The following ZNF534 variants were observed in gnomAD, a reference collection of about 807,000 sequenced individuals.
The protein encoded by ZNF534 is zinc finger protein 534.
In ZNF534, 19 loss-of-function variants were observed where a neutral mutation model predicts 13.6. The ratio of observed to expected loss-of-function variants is 1.40; its 90% CI spans 0.97 to 2.05. The LOEUF (loss-of-function observed/expected upper bound fraction) is 2.05. Ranked by LOEUF, ZNF534 falls within the 30% of genes most tolerant of loss-of-function variation. ZNF534 has a pLI of 0.00. For synonymous variants in ZNF534, 244 were observed against 273.8 expected (o/e 0.89, Z 1.07); for missense variants, 782 against 796.3 (o/e 0.98, Z 0.22).
rs1399733879 is a variant in ZNF534 at position 52,440,602 on chromosome 19, G to A, written c.*1156G>A. Among the ~76,000 whole-genome samples the A allele has an allele frequency of 6.6e-6, 1 of 151,962 alleles. No individual in the cohort carries two copies. The highest frequency in any genetic ancestry group is 1.5e-5 in the Non-Finnish European group (1 of 67,992). On this transcript the variant is annotated 3_prime_UTR_variant, in exon 5 of 5. Transcript: ENST00000433050. ...TTGAGACCAGCCTGACCAATGTGTT[G>A]AAACCCCATCACTACTAAAAATAAA...
Position 52,441,345 on chromosome 19 carries a change from A to G in ZNF534, c.*1899A>G, listed in dbSNP as rs1429829110. The stretch of plus-strand genomic sequence containing the variant: ...ACCTGGGTAACATAAGGACAACTCC[A>G]TCTCTACAAATAATAAAAAATTAGC... On this transcript the variant is annotated 3_prime_UTR_variant, in exon 5 of 5. Transcript: ENST00000433050. Among the ~76,000 whole-genome samples, 2 of 152,190 alleles carry G rather than the reference A, an allele frequency of 1.3e-5. No individual in the cohort carries two copies. The highest frequency in any genetic ancestry group is 6.5e-5 in the Admixed American group (1 of 15,284).
chr19:52,437,266 T>G (rs2608495), intron 4 of ZNF534, among the ~76,000 whole-genome samples: 142,623 of 152,216 alleles, frequency 0.94, 67,066 homozygotes, highest in Non-Finnish European at 0.97. Flanking sequence ...GATTCCAGAT[T>G]CTTCAGTAAA....
chr19:52,435,293 C>T lies in ZNF534; in HGVS notation c.271+84C>T, dbSNP rs2059121854. On this transcript the variant is annotated intron_variant, in intron 4 of 4. Transcript: ENST00000433050. Reference sequence around the variant, plus strand: ...TCACTCTGTCATCCAGGCTGGAGTACAGTGGCAATCATAGCTCACAGCAGC... The same window carrying T: ...TCACTCTGTCATCCAGGCTGGAGTATAGTGGCAATCATAGCTCACAGCAGC... The T allele has an allele frequency of 6.3e-6, 9 of 1,422,414 alleles. 1 individual carries two copies. In the African/African-American group the frequency reaches 1.1e-4, roughly 18 times the overall value. 88.1% of individuals were successfully genotyped at this position (1,422,414 alleles called of 1,614,324 possible).
intron 4 of ZNF534, among the ~76,000 whole-genome samples, chr19:52,436,321 T>C (rs887646636): frequency 3.3e-5 from 5 of 152,206 alleles, no homozygotes; most frequent in South Asian, 2.1e-4. Context: ...CATAGACTTA[T>C]ACAGTTTCCT....
chr19:52,449,565 C>T (rs1366095358), intron 4 of ZNF534, among the ~76,000 whole-genome samples: 7 of 152,104 alleles, frequency 4.6e-5, no homozygotes, highest in Admixed American at 4.6e-4. Flanking sequence ...TTGATGATAG[C>T]CATTCTAACT....
chr19:52,431,182 G>A (rs561112680), intron 1 of ZNF534, among the ~76,000 whole-genome samples: 74 of 152,292 alleles, frequency 4.9e-4, no homozygotes, highest in Non-Finnish European at 8.8e-4. Context: ...GCTTAGTCAA[G>A]CCCAGCTCTG....
intron 4 of ZNF534, among the ~76,000 whole-genome samples, chr19:52,448,808 A>T (rs1243154680): frequency 6.6e-6 from 1 of 152,234 alleles, no homozygotes; most frequent in African/African-American, 2.4e-5. Context: ...ATAGATAATG[A>T]TCAAATCAGG....
Position 52,435,933 on chromosome 19 carries a change from C to CTTTTTTTTTTTT in ZNF534, c.271+726_271+727insTTTTTTTTTTTT, listed in dbSNP as rs1289517628. 6.3e-4 allele frequency among the ~76,000 whole-genome samples: 11 copies of CTTTTTTTTTTTT among 17,522 alleles called. 4 individuals are homozygous for CTTTTTTTTTTTT. Among genetic ancestry groups the CTTTTTTTTTTTT allele is most frequent in the Non-Finnish European group, 3.3e-3 (5 of 1,498 alleles). 11.5% of individuals were successfully genotyped at this position (17,522 alleles called of 152,430 possible). Reference sequence around the variant, plus strand: ...CATTGATGTTTTTCTTATTTTTCTTCTTCTTCTTTTTTTTTTTTTTTTTGA... The same window carrying CTTTTTTTTTTTT: ...CATTGATGTTTTTCTTATTTTTCTTCTTTTTTTTTTTTTTCTTCTTTTTTTTTTTTTTTTTGA... On this transcript the variant is annotated intron_variant, in intron 4 of 4. Coordinates refer to ENST00000433050, the MANE Select transcript of ZNF534 (RefSeq NM_001143938.3).
chr19:52,433,864 G>A (rs1312019247), intron 2 of ZNF534, 91 bp from the exon 3 acceptor site: 8 of 1,475,324 alleles, frequency 5.4e-6, no homozygotes, highest in African/African-American at 2.8e-5. Context: ...GCTCGCTTCA[G>A]TGGAGTGAGT....
chr19:52,451,778 T>G (rs533062939), exon 5 of ZNF534: 17 of 701,962 alleles, frequency 2.4e-5, no homozygotes, highest in Middle Eastern at 3.1e-4. Context: ...AATGTTGGTG[T>G]TGTACTCTTT....
intron 4 of ZNF534, among the ~76,000 whole-genome samples, chr19:52,449,250 C>T (rs979145937): frequency 1.3e-5 from 2 of 152,002 alleles, no homozygotes; most frequent in African/African-American, 2.4e-5. Flanking sequence ...TCCATTTGTT[C>T]GTGATGAAAA....
At chr19:52,433,485 G>A (rs1437683703) in intron 2 of ZNF534, among the ~76,000 whole-genome samples, 1 of 151,958 alleles carries the variant, frequency 6.6e-6, no homozygotes, top group Non-Finnish European at 1.5e-5. Context: ...TCCTGCCTCA[G>A]CCTCCTGAGT....
chr19:52,429,909 T>G (rs1199726759), intron 1 of ZNF534, among the ~76,000 whole-genome samples: 1 of 152,050 alleles, frequency 6.6e-6, no homozygotes, highest in Non-Finnish European at 1.5e-5. Context: ...GTCTTTTGGA[T>G]GAGATCCACT....
rs200756238 is a variant in ZNF534, at chr19:52,434,020, T to G, written c.81T>G (p.Pro27=). 4 of 1,614,160 alleles carry G rather than the reference T, an allele frequency of 2.5e-6. No individual in the cohort carries two copies. Among genetic ancestry groups the G allele is most frequent in the South Asian group, 1.1e-5 (1 of 91,090 alleles). The change falls in exon 3 of 5, where the codon CCT becomes CCG. Residue 27 remains proline, a synonymous_variant. Transcript: ENST00000433050. ...FSQEEWKCLD[P]GQKALYRDVM... ...AGGAGGAGTGGAAATGCCTGGACCC[T>G]GGGCAGAAAGCTTTATACAGGGACG...
In ZNF534 at chr19:52,442,391, A is replaced by G. The variant is rs753808278; in HGVS notation, c.*2945A>G. The stretch of plus-strand genomic sequence containing the variant: ...ATGTTCATGCTGCAGATAACTAACC[A>G]GAGCCCATCCCTTTGTTTCCCATAA... On this transcript the variant is annotated 3_prime_UTR_variant, in exon 5 of 5. Transcript: ENST00000433050. 2.6e-4 allele frequency among the ~76,000 whole-genome samples: 40 copies of G among 152,240 alleles called. No individual in the cohort carries two copies. The highest frequency in any genetic ancestry group is 5.1e-4 in the Non-Finnish European group (35 of 68,044).
At chr19:52,450,335 T>C (rs1343343805) in intron 4 of ZNF534, among the ~76,000 whole-genome samples, 4 of 152,196 alleles carry the variant, frequency 2.6e-5, no homozygotes, top group Non-Finnish European at 5.9e-5. Flanking sequence ...CATTCTGATT[T>C]TATTTTTGTG....
In ZNF534 at chr19:52,441,767, A is replaced by C. The variant is rs946632611; in HGVS notation, c.*2321A>C. On this transcript the variant is annotated 3_prime_UTR_variant, in exon 5 of 5. Coordinates refer to ENST00000433050, the MANE Select transcript of ZNF534 (RefSeq NM_001143938.3). ...ACATAGAGAGAAACCTTACAAATAC[A>C]AATCACCACATAGAGAGAAACCTTA... is the stretch of plus-strand genomic sequence containing the variant. Among the ~76,000 whole-genome samples the C allele has an allele frequency of 1.3e-5, 2 of 152,196 alleles. No individual in the cohort carries two copies. The highest frequency in any genetic ancestry group is 4.8e-5 in the African/African-American group (2 of 41,446).
chr19:52,451,907 G>T, exon 5 of ZNF534: 1 of 545,312 alleles, frequency 1.8e-6, no homozygotes, highest in South Asian at 1.8e-5. Context: ...ACACCAAAAG[G>T]GGATCAGGAG....
chr19:52,435,062 T>C lies in ZNF534; in HGVS notation c.143-19T>C. The C allele has an allele frequency of 6.2e-7, 1 of 1,609,218 alleles. No homozygotes were observed. The highest frequency in any genetic ancestry group is 1.7e-5 in the Admixed American group (1 of 59,258). On this transcript the variant is annotated intron_variant, in intron 3 of 4. Transcript: ENST00000433050. ...TGGAGATGCCACAGCACACATTTAT[T>C]CTTTCTTTTTGTAAGTAGGAATCTG...
Sources: gnomAD v4.1 joint callset for allele counts (sites outside exome capture counted in the v4.1 genomes callset) on GRCh38, gnomAD v4.1.1 for gene constraint, MANE v1.5 for transcripts, NCBI Gene and HGNC (gene_info 2026-07-23, HGNC 2026-07-21) for gene names.